The following SLC35E3 variants were observed in gnomAD, a reference collection of about 807,000 sequenced individuals.
SLC35E3 encodes bladder cancer-overexpressed gene 1 protein.
A neutral mutation model predicts 30.8 loss-of-function variants in SLC35E3; 28 were observed. The ratio of observed to expected loss-of-function variants is 0.91; its 90% confidence interval spans 0.67 to 1.25. The LOEUF (loss-of-function observed/expected upper bound fraction) is 1.25. Among genes scored for constraint, SLC35E3 ranks in the 50% most tolerant of loss-of-function variants. The pLI is 0.00. For synonymous variants in SLC35E3, 146 were observed against 149.2 expected, an observed-to-expected ratio of 0.98 and a Z score of 0.16; for missense variants, 365 against 375.4, an observed-to-expected ratio of 0.97 and a Z score of 0.23.
intron 3 of SLC35E3, among the ~76,000 whole-genome samples, chr12:68,756,650 G>GT (rs1879016380): frequency 6.6e-6 from 1 of 152,158 alleles, no homozygotes; most frequent in South Asian, 2.1e-4. Context: ...TGTGGGGATG[G>GT]TTTAACATAC....
chr12:68,773,921 T>C lies in SLC35E3; in HGVS notation c.*9031T>C, dbSNP rs1214046962. The C allele has an allele frequency of 6.6e-6, 1 of 152,216 alleles. No homozygotes were observed. Among genetic ancestry groups the C allele is most frequent in the Non-Finnish European group, 1.5e-5 (1 of 68,042 alleles). The allele number at this position is 152,216 out of a possible 1,614,324, so 9.4% of individuals were successfully genotyped here. The stretch of plus-strand genomic sequence containing the variant: ...TAGAGGCTAGAAATACTAAATTCTC[T>C]TTTTACCTCGTTGCCTTGTAGAGGG... On this transcript the variant is annotated 3_prime_UTR_variant, in exon 5 of 5. Transcript: ENST00000398004.
intron 3 of SLC35E3, among the ~76,000 whole-genome samples, chr12:68,754,525 A>G (rs983307347): frequency 2.0e-5 from 3 of 152,094 alleles, no homozygotes; most frequent in Non-Finnish European, 4.4e-5. Context: ...ACCTCAAGTG[A>G]TCCACCCACC....
Position 68,746,439 on chromosome 12 carries a change from A to T in SLC35E3, c.62A>T (p.Asn21Ile), listed in dbSNP as rs202209303. The T allele has an allele frequency of 6.2e-7, 1 of 1,613,570 alleles. No homozygotes were observed. Among genetic ancestry groups the T allele is most frequent in the Non-Finnish European group, 8.5e-7 (1 of 1,179,726 alleles). Reference protein sequence around the residue: ...HWRIAAGLLFNLLVSICIVFL... With the variant: ...HWRIAAGLLFILLVSICIVFL... Reference sequence around the variant, plus strand: ...CGAATCGCCGCCGGGCTCCTGTTCAACCTGCTGGTGTCCATCTGCATTGTG... The same window carrying T: ...CGAATCGCCGCCGGGCTCCTGTTCATCCTGCTGGTGTCCATCTGCATTGTG... Residue 21 changes from asparagine (N) to isoleucine (I), a missense_variant, in exon 1 of 5, where the codon AAC becomes ATC. By Grantham distance (149) the Asn-to-Ile change is moderately radical. Transcript: ENST00000398004.
At position 68,780,996 on chromosome 12, in the gene SLC35E3, G is replaced by A. The variant is rs1399832728; in HGVS notation, c.*16106G>A. ...CACAGGGAACAGAGGCAGACCTGGGGCTGACACTGAATGAATGCTACTCAC... is the reference window on the plus strand; with the variant it reads ...CACAGGGAACAGAGGCAGACCTGGGACTGACACTGAATGAATGCTACTCAC... On this transcript the variant is annotated 3_prime_UTR_variant, in exon 5 of 5. Transcript: ENST00000398004. The A allele has an allele frequency of 2.0e-5, 3 of 152,172 alleles. No homozygotes were observed. The highest frequency in any genetic ancestry group is 7.2e-5 in the African/African-American group (3 of 41,444). The allele number at this position is 152,172 out of a possible 1,614,324, so 9.4% of individuals were successfully genotyped here.
At chr12:68,760,709 T>C in intron 4 of SLC35E3, among the ~76,000 whole-genome samples, 1 of 152,222 alleles carries the variant, frequency 6.6e-6, no homozygotes. Context: ...CAGTCATTGA[T>C]ATAAAAATAT....
At position 68,766,927 on chromosome 12, in the gene SLC35E3, C is replaced by A. The variant is rs953555810; in HGVS notation, c.*2037C>A. On this transcript the variant is annotated 3_prime_UTR_variant, in exon 5 of 5. Coordinates refer to ENST00000398004, the MANE Select transcript of SLC35E3 (RefSeq NM_018656.5). Reference sequence around the variant, plus strand: ...ACCTCCCTGCTTCTATTGCCTAGCCCGTACATTTGAGGCTTCCATGGAGCT... The same window carrying A: ...ACCTCCCTGCTTCTATTGCCTAGCCAGTACATTTGAGGCTTCCATGGAGCT... The A allele has an allele frequency of 3.5e-6, 1 of 283,790 alleles. No individual in the cohort carries two copies. The highest frequency in any genetic ancestry group is 2.2e-5 in the African/African-American group (1 of 44,536). 17.6% of individuals were successfully genotyped at this position (283,790 alleles called of 1,614,324 possible). A position where few individuals can be genotyped will look rare whatever the true frequency, so the allele number is the denominator to read the frequency against.
rs1439805151 is a variant in SLC35E3 at position 68,774,705 on chromosome 12, T to C, written c.*9815T>C. The C allele has an allele frequency of 1.4e-5, 2 of 147,112 alleles. No homozygotes were observed. 9.1% of individuals were successfully genotyped at this position (147,112 alleles called of 1,614,324 possible). A position where few individuals can be genotyped will look rare whatever the true frequency, so the allele number is the denominator to read the frequency against. On this transcript the variant is annotated 3_prime_UTR_variant, in exon 5 of 5. Coordinates refer to ENST00000398004, the MANE Select transcript of SLC35E3 (RefSeq NM_018656.5). The stretch of plus-strand genomic sequence containing the variant: ...GTGAGCCATGATCATGCCACTGCAC[T>C]ATATGCTGGGCAACAGAGGGAGACC...
At chr12:68,752,257 T>G in intron 3 of SLC35E3, 67 bp downstream of exon 3, 3 of 1,447,432 alleles carry the variant, frequency 2.1e-6, no homozygotes, top group Non-Finnish European at 2.8e-6. Context: ...TTAATGTAAT[T>G]TTTAGTTTTC....
In SLC35E3 at chr12:68,770,020, A is replaced by T. The variant is rs984296177; in HGVS notation, c.*5130A>T. 1.3e-5 allele frequency: 2 copies of T among 152,264 alleles called. No individual in the cohort carries two copies. The highest frequency in any genetic ancestry group is 4.8e-5 in the African/African-American group (2 of 41,472). 9.4% of individuals were successfully genotyped at this position (152,264 alleles called of 1,614,324 possible). On this transcript the variant is annotated 3_prime_UTR_variant, in exon 5 of 5. Coordinates refer to ENST00000398004, the MANE Select transcript of SLC35E3 (RefSeq NM_018656.5). Reference sequence around the variant, plus strand: ...AGCACATAACAAAAGAATCTGGCCCAGGCTTGGCACTTGTGGAGGGAGTCC... The same window carrying T: ...AGCACATAACAAAAGAATCTGGCCCTGGCTTGGCACTTGTGGAGGGAGTCC...
intron 3 of SLC35E3, among the ~76,000 whole-genome samples, chr12:68,757,732 G>C (rs185915441): frequency 6.6e-6 from 1 of 152,178 alleles, no homozygotes; most frequent in Non-Finnish European, 1.5e-5. Flanking sequence ...TACATACTGC[G>C]TTCCTCAGAA....
At position 68,777,670 on chromosome 12, in the gene SLC35E3, G is replaced by A. The variant is rs570982536; in HGVS notation, c.*12780G>A. ...CTCAGGTGTCAGAGAATCAGAGGAA[G>A]TCATGCTGCTTATCTAGAATCTGCT... On this transcript the variant is annotated 3_prime_UTR_variant, in exon 5 of 5. Coordinates refer to ENST00000398004, the MANE Select transcript of SLC35E3 (RefSeq NM_018656.5). 7.9e-5 allele frequency: 12 copies of A among 152,364 alleles called. No individual in the cohort carries two copies. Among genetic ancestry groups the A allele is most frequent in the African/African-American group, 2.9e-4 (12 of 41,584 alleles). 9.4% of individuals were successfully genotyped at this position (152,364 alleles called of 1,614,324 possible). A position where few individuals can be genotyped will look rare whatever the true frequency, so the allele number is the denominator to read the frequency against.
intron 1 of SLC35E3, among the ~76,000 whole-genome samples, chr12:68,747,365 G>C (rs138530792): frequency 6.6e-6 from 1 of 152,026 alleles, no homozygotes; most frequent in Non-Finnish European, 1.5e-5. Context: ...CGCCTCCCGG[G>C]TTTAAGCGAT....
rs570165926 is a variant in SLC35E3 at position 68,778,384 on chromosome 12, C to T, written c.*13494C>T. 6.6e-6 allele frequency: 1 copy of T among 152,204 alleles called. No homozygotes were observed. Among genetic ancestry groups the T allele is most frequent in the Non-Finnish European group, 1.5e-5 (1 of 68,014 alleles). 9.4% of individuals were successfully genotyped at this position (152,204 alleles called of 1,614,324 possible). A position where few individuals can be genotyped will look rare whatever the true frequency, so the allele number is the denominator to read the frequency against. On this transcript the variant is annotated 3_prime_UTR_variant, in exon 5 of 5. Coordinates refer to ENST00000398004, the MANE Select transcript of SLC35E3 (RefSeq NM_018656.5). ...AATAGGTTATCTGTACTCAACAAGC[C>T]TAGAACACACACTCCTTTCAAGTAC...
intron 2 of SLC35E3, among the ~76,000 whole-genome samples, chr12:68,749,697 G>A (rs1469779444): frequency 6.6e-6 from 1 of 152,168 alleles, no homozygotes; most frequent in Non-Finnish European, 1.5e-5. Context: ...AAATTGAAGG[G>A]CACACAGAAA....
Position 68,759,145 on chromosome 12 carries a change from G to A in SLC35E3, c.673-12G>A, listed in dbSNP as rs760253682. 1 of 1,592,092 alleles carries A rather than the reference G, an allele frequency of 6.3e-7. No homozygotes were observed. Among genetic ancestry groups the A allele is most frequent in the Non-Finnish European group, 8.6e-7 (1 of 1,163,724 alleles). Reference sequence around the variant, plus strand: ...GTGCTTTGCATTAATGGTTCTTTTGGTTTATTTGTAGCTTATGGTGCTGCT... The same window carrying A: ...GTGCTTTGCATTAATGGTTCTTTTGATTTATTTGTAGCTTATGGTGCTGCT... On this transcript the variant is annotated splice_polypyrimidine_tract_variant and intron_variant, in intron 3 of 4. Transcript: ENST00000398004.
intron 1 of SLC35E3, 130 bp downstream of exon 1, chr12:68,746,909 G>A: frequency 9.8e-7 from 1 of 1,019,900 alleles, no homozygotes; most frequent in Non-Finnish European, 1.4e-6. Context: ...GTGGGCATGT[G>A]AACTTTTAGG....
At position 68,777,362 on chromosome 12, in the gene SLC35E3, CAA is replaced by C. The variant is rs1229035046; in HGVS notation, c.*12474_*12475del. The C allele has an allele frequency of 6.6e-6, 1 of 152,142 alleles. No individual in the cohort carries two copies. Among genetic ancestry groups the C allele is most frequent in the Non-Finnish European group, 1.5e-5 (1 of 68,038 alleles). The allele number at this position is 152,142 out of a possible 1,614,324, so 9.4% of individuals were successfully genotyped here. ...CATGAGGACATCCACTGCTTGTACT[CAA>C]ATAGCATTCCTCACAGGAATGTCAC... On this transcript the variant is annotated 3_prime_UTR_variant, in exon 5 of 5. Coordinates refer to ENST00000398004, the MANE Select transcript of SLC35E3 (RefSeq NM_018656.5).
intron 4 of SLC35E3, 46 bp from the exon 5 acceptor site, chr12:68,764,658 A>C: frequency 1.3e-6 from 2 of 1,572,988 alleles, no homozygotes; most frequent in Non-Finnish European, 1.7e-6. Context: ...TGTAAATATT[A>C]ACATCTATCT....
At chr12:68,761,808 C>T (rs888913002) in intron 4 of SLC35E3, among the ~76,000 whole-genome samples, 2 of 151,992 alleles carry the variant, frequency 1.3e-5, no homozygotes, top group African/African-American at 4.8e-5. Flanking sequence ...GTTTTGCTGC[C>T]GAGTTGGATG....
Sources: gnomAD v4.1 joint callset for allele counts (sites outside exome capture counted in the v4.1 genomes callset) on GRCh38, gnomAD v4.1.1 for gene constraint, MANE v1.5 for transcripts, NCBI Gene and HGNC (gene_info 2026-07-23, HGNC 2026-07-21) for gene names.